The following PTPRN2 variants were observed in gnomAD, a reference collection of about 807,000 sequenced individuals.
PTPRN2 encodes receptor-type tyrosine-protein phosphatase N2.
Under a neutral mutation model 118.8 loss-of-function variants are expected in PTPRN2, and 74 were observed. The ratio of observed to expected loss-of-function variants is 0.62; its 90% CI spans 0.52 to 0.76. The LOEUF (loss-of-function observed/expected upper bound fraction) is 0.76. Among genes scored for constraint, PTPRN2 ranks in the 30% least tolerant of loss-of-function variants. PTPRN2 has a pLI of 0.00. For synonymous variants in PTPRN2, 641 were observed against 608.0 expected, an observed-to-expected ratio of 1.05 and a Z score of -0.80; for missense variants, 1,481 against 1,394.4, an observed-to-expected ratio of 1.06 and a Z score of -0.99.
At chr7:158,474,189 A>C (rs948174657) in intron 2 of PTPRN2, among the ~76,000 whole-genome samples, 1 of 152,180 alleles carries the variant, frequency 6.6e-6, no homozygotes, top group African/African-American at 2.4e-5. Context: ...CCAACCCAAG[A>C]GGCACAGCGA....
intron 11 of PTPRN2, among the ~76,000 whole-genome samples, chr7:157,997,505 G>T (rs1416768918): frequency 6.6e-6 from 1 of 152,230 alleles, no homozygotes; most frequent in Non-Finnish European, 1.5e-5. Flanking sequence ...CCCTGCAAGG[G>T]CTGGAAGGGC....
intron 1 of PTPRN2, among the ~76,000 whole-genome samples, chr7:158,548,936 C>T (rs1318292152): frequency 2.6e-5 from 4 of 152,234 alleles, no homozygotes; most frequent in Non-Finnish European, 4.4e-5. Flanking sequence ...ACCTGCCACC[C>T]ATCTCCTCCT....
chr7:158,060,150 C>T (rs1463393682), intron 11 of PTPRN2, among the ~76,000 whole-genome samples: 1 of 91,594 alleles, frequency 1.1e-5, no homozygotes, highest in African/African-American at 5.3e-5. Flanking sequence ...ATCACTGCAG[C>T]CACACTCCAT....
chr7:158,205,529 G>T (rs945183826), intron 3 of PTPRN2, among the ~76,000 whole-genome samples: 2 of 152,162 alleles, frequency 1.3e-5, no homozygotes, highest in Non-Finnish European at 2.9e-5. Flanking sequence ...GAGAAAGCTG[G>T]CCAAATAGAA....
intron 6 of PTPRN2, among the ~76,000 whole-genome samples, chr7:158,165,240 G>A (rs577568695): frequency 6.6e-6 from 1 of 152,170 alleles, no homozygotes; most frequent in Non-Finnish European, 1.5e-5. Flanking sequence ...AAGTGCAGGA[G>A]GCAGGACCAT....
At chr7:158,294,211 C>T (rs955107306) in intron 3 of PTPRN2, among the ~76,000 whole-genome samples, 4 of 152,146 alleles carry the variant, frequency 2.6e-5, no homozygotes, top group East Asian at 1.9e-4. Context: ...ATCATGTACG[C>T]GATCTGCTGC....
chr7:158,245,972 C>T (rs898827844), intron 3 of PTPRN2, among the ~76,000 whole-genome samples: 7 of 152,042 alleles, frequency 4.6e-5, no homozygotes, highest in African/African-American at 1.5e-4. Context: ...GTCACTGAGA[C>T]ACAAATCAGG....
intron 1 of PTPRN2, among the ~76,000 whole-genome samples, chr7:158,583,586 A>C (rs776334980): frequency 1.9e-4 from 29 of 152,146 alleles, no homozygotes; most frequent in Non-Finnish European, 3.4e-4. Flanking sequence ...ACTGAGAAGA[A>C]GTCATTTTAA....
chr7:158,099,959 T>C (rs1307260559), intron 10 of PTPRN2, among the ~76,000 whole-genome samples: 5 of 150,810 alleles, frequency 3.3e-5, no homozygotes, highest in African/African-American at 1.2e-4. Context: ...TTCCATAGGT[T>C]TTGGGAACAG....
At chr7:158,450,321 C>T (rs1818009455) in intron 2 of PTPRN2, among the ~76,000 whole-genome samples, 1 of 152,250 alleles carries the variant, frequency 6.6e-6, no homozygotes, top group Non-Finnish European at 1.5e-5. Flanking sequence ...ACATTCAGTC[C>T]ATAACCGCTG....
At chr7:158,138,857 C>T (rs1256923902) in intron 6 of PTPRN2, among the ~76,000 whole-genome samples, 1 of 152,182 alleles carries the variant, frequency 6.6e-6, no homozygotes, top group Non-Finnish European at 1.5e-5. Context: ...TTCACCATGT[C>T]CTCCAGAGGA....
In PTPRN2 at chr7:157,982,446, T is replaced by C. The variant is rs1398142383; in HGVS notation, c.1724-83709A>G. ...AAGAGACGAGGAGGGGAATGCAGAG[T>C]GCAGGGTCCCCCCAAACCCTGAGTC... On this transcript the variant is annotated intron_variant, in intron 11 of 22. Coordinates refer to ENST00000389418, the MANE Select transcript of PTPRN2 (RefSeq NM_002847.5). Among the ~76,000 whole-genome samples, 2 of 107,676 alleles carry C rather than the reference T, an allele frequency of 1.9e-5. 1 individual carries two copies. The highest frequency in any genetic ancestry group is 2.3e-4 in the Admixed American group (2 of 8,878). The allele number at this position is 107,676 out of a possible 152,430, so 70.6% of individuals were successfully genotyped here. A position where few individuals can be genotyped will look rare whatever the true frequency, so the allele number is the denominator to read the frequency against.
intron 20 of PTPRN2, among the ~76,000 whole-genome samples, chr7:157,569,433 C>T (rs918233494): frequency 1.3e-5 from 2 of 152,240 alleles, no homozygotes; most frequent in African/African-American, 2.4e-5. Flanking sequence ...ACACTTCAGG[C>T]ACATCCCCCT....
intron 2 of PTPRN2, among the ~76,000 whole-genome samples, chr7:158,484,928 C>T (rs928291580): frequency 3.3e-5 from 5 of 152,192 alleles, no homozygotes; most frequent in Non-Finnish European, 5.9e-5. Flanking sequence ...CACGGGGAGT[C>T]GGCTGCAGGA....
chr7:157,602,446 G>A (rs12667756), intron 16 of PTPRN2, among the ~76,000 whole-genome samples: 32,703 of 149,532 alleles, frequency 0.22, 3,963 homozygotes, highest in East Asian at 0.43. Flanking sequence ...ATCAGTGGCC[G>A]CTGAGACCAG....
At chr7:157,578,317 T>C (rs1395323946) in intron 17 of PTPRN2, among the ~76,000 whole-genome samples, 177 bp from the exon 18 acceptor site, 1 of 152,218 alleles carries the variant, frequency 6.6e-6, no homozygotes. Flanking sequence ...CACTGGCCCA[T>C]AGTTTGCATG....
rs1403983515 is a variant in PTPRN2 at position 157,845,534 on chromosome 7, C to T, written c.1788+53139G>A. 1.3e-5 allele frequency among the ~76,000 whole-genome samples: 2 copies of T among 151,952 alleles called. No individual in the cohort carries two copies. Among genetic ancestry groups the T allele is most frequent in the South Asian group, 2.1e-4 (1 of 4,810 alleles). On this transcript the variant is annotated intron_variant, in intron 12 of 22. Transcript: ENST00000389418. This position sits in a 1 kb window ranked among gnomAD's most constrained non-coding sequence, Gnocchi z 4.5. Reference sequence around the variant, plus strand: ...ACTCAGCATGTTCCCGGCCACATCCCGGTGAACCATGCAGCCTAACTCACC... The same window carrying T: ...ACTCAGCATGTTCCCGGCCACATCCTGGTGAACCATGCAGCCTAACTCACC...
chr7:158,178,030 G>A (rs1385817869), intron 5 of PTPRN2, among the ~76,000 whole-genome samples: 2 of 152,084 alleles, frequency 1.3e-5, no homozygotes, highest in Admixed American at 1.3e-4. Flanking sequence ...ACATAGGATG[G>A]TCAGTTTGTA....
chr7:158,404,791 T>TCCCTGGCCC (rs1813245955), intron 2 of PTPRN2, among the ~76,000 whole-genome samples: 1 of 21,372 alleles, frequency 4.7e-5, no homozygotes, highest in Non-Finnish European at 8.8e-5. Flanking sequence ...CTCTCCGGCC[T>TCCCTGGCCC]CCAGCTCCCT....
Sources: gnomAD v4.1 joint callset for allele counts (sites outside exome capture counted in the v4.1 genomes callset) on GRCh38, gnomAD v4.1.1 for gene constraint, Gnocchi (gnomAD v3.1) non-coding constraint, MANE v1.5 for transcripts, NCBI Gene and HGNC (gene_info 2026-07-23, HGNC 2026-07-21) for gene names.